CCDC146: variants seen among roughly 807,000 people sequenced by gnomAD.
CCDC146 encodes coiled-coil domain-containing protein 146.
A neutral mutation model predicts 119.3 loss-of-function variants in CCDC146; 92 were observed. That is an observed-to-expected ratio of 0.77 (90% CI 0.65 to 0.92). CCDC146 has a LOEUF of 0.92. Among genes scored for constraint, CCDC146 ranks in the 40% least tolerant of loss-of-function variants. The pLI, the probability that CCDC146 is intolerant of heterozygous loss-of-function variation, is 0.00. For synonymous variants in CCDC146, 372 were observed against 371.8 expected, an observed-to-expected ratio of 1.00 and a Z score of -0.01; for missense variants, 1,000 against 1,103.0, an observed-to-expected ratio of 0.91 and a Z score of 1.32.
At chr7:77,126,429 G>C (rs977855913) in intron 1 of CCDC146, among the ~76,000 whole-genome samples, 4 of 151,996 alleles carry the variant, frequency 2.6e-5, no homozygotes, top group African/African-American at 9.7e-5. Context: ...AAGGGTGAAC[G>C]AGACGAAGAT....
At chr7:77,183,006 A>G (rs965486580) in intron 2 of CCDC146, among the ~76,000 whole-genome samples, 5 of 152,050 alleles carry the variant, frequency 3.3e-5, no homozygotes, top group Non-Finnish European at 5.9e-5. Context: ...ACCCATCTCA[A>G]CACAGCCTAA....
chr7:77,260,358 C>A (rs1365263747), intron 8 of CCDC146, 122 bp downstream of exon 8: 5 of 664,752 alleles, frequency 7.5e-6, no homozygotes, highest in Non-Finnish European at 1.2e-5. Context: ...TTTAAATCAA[C>A]TTTTACCCTT....
intron 2 of CCDC146, among the ~76,000 whole-genome samples, chr7:77,219,882 A>G (rs1792369378): frequency 6.6e-6 from 1 of 152,208 alleles, no homozygotes; most frequent in South Asian, 2.1e-4. Context: ...GTAATAAAAT[A>G]TCAAAGGGCA....
intron 2 of CCDC146, among the ~76,000 whole-genome samples, chr7:77,220,128 C>T (rs1792373631): frequency 6.6e-6 from 1 of 152,182 alleles, no homozygotes; most frequent in African/African-American, 2.4e-5. Flanking sequence ...CCTATTTCAT[C>T]CCGTATCTAC....
chr7:77,154,776 G>A (rs1791157816), intron 1 of CCDC146, among the ~76,000 whole-genome samples: 1 of 152,156 alleles, frequency 6.6e-6, no homozygotes, highest in South Asian at 2.1e-4. Context: ...GCGTGCATGT[G>A]TCTTTATAGC....
chr7:77,162,437 A>T (rs1390250074), intron 1 of CCDC146, among the ~76,000 whole-genome samples: 3 of 152,228 alleles, frequency 2.0e-5, no homozygotes, highest in African/African-American at 7.2e-5. Context: ...GCCAAAAATT[A>T]CTTGACTGTA....
At chr7:77,136,054 T>G (rs1790856107) in intron 1 of CCDC146, among the ~76,000 whole-genome samples, 1 of 152,094 alleles carries the variant, frequency 6.6e-6, no homozygotes, top group African/African-American at 2.4e-5. Context: ...AAACAACATG[T>G]CTCAAAAACA....
intron 2 of CCDC146, among the ~76,000 whole-genome samples, chr7:77,235,100 C>T (rs890078368): frequency 6.6e-6 from 1 of 152,108 alleles, no homozygotes; most frequent in Non-Finnish European, 1.5e-5. Context: ...TTACCTAGCA[C>T]CTGGGTATAC....
intron 2 of CCDC146, chr7:77,194,171 C>A (rs1011571544): frequency 6.6e-6 from 1 of 151,984 alleles, no homozygotes; most frequent in Non-Finnish European, 1.5e-5. Flanking sequence ...TTAATGGACA[C>A]CGTGTATATG....
chr7:77,145,931 G>A (rs1255334999), intron 1 of CCDC146, among the ~76,000 whole-genome samples: 1 of 151,968 alleles, frequency 6.6e-6, no homozygotes, highest in African/African-American at 2.4e-5. Context: ...ATGTCTATTA[G>A]GTCCACTTGG....
chr7:77,212,677 CAAATAAATAAACAAATAAT>C (rs1294627003), intron 2 of CCDC146, among the ~76,000 whole-genome samples: 5 of 149,918 alleles, frequency 3.3e-5, no homozygotes, highest in Non-Finnish European at 7.4e-5. Context: ...TGATATGTCT[CAAATAAATAAACAAATAAT>C]AAATAAATAA....
intron 2 of CCDC146, among the ~76,000 whole-genome samples, chr7:77,216,573 G>A (rs572800279): frequency 6.6e-6 from 1 of 152,072 alleles, no homozygotes; most frequent in African/African-American, 2.4e-5. Context: ...CATCTCACCA[G>A]AAGGAAGAAT....
At chr7:77,238,426 CT>C (rs905756436) in intron 3 of CCDC146, among the ~76,000 whole-genome samples, 17 of 150,944 alleles carry the variant, frequency 1.1e-4, no homozygotes, top group Non-Finnish European at 2.1e-4. Context: ...GATAGCTCTT[CT>C]TTTTTTTTAG....
At chr7:77,152,527 C>T (rs1294581272) in intron 1 of CCDC146, among the ~76,000 whole-genome samples, 23 of 152,226 alleles carry the variant, frequency 1.5e-4, no homozygotes, top group Admixed American at 1.5e-3. Context: ...CTTCCCCTGA[C>T]TTAGAGTTGA....
In CCDC146 at chr7:77,258,994, G is replaced by T. The variant is rs1272862343; in HGVS notation, c.685-1G>T. The stretch of plus-strand genomic sequence containing the variant: ...TTAACATGATTTCGTTTCTTTACTA[G>T]GATGAAGTGGCCCACCATCAAACCA... On this transcript the variant is annotated splice_acceptor_variant, in intron 6 of 18. Transcript: ENST00000285871. LOFTEE classifies it high-confidence loss of function. The T allele has an allele frequency of 6.2e-7, 1 of 1,608,520 alleles. No homozygotes were observed.
intron 8 of CCDC146, among the ~76,000 whole-genome samples, chr7:77,260,820 A>G (rs1409524904): frequency 6.6e-6 from 1 of 151,840 alleles, no homozygotes; most frequent in Non-Finnish European, 1.5e-5. Flanking sequence ...CATTAGAGAC[A>G]GGGTATCACC....
At chr7:77,133,839 A>G (rs1283229606) in intron 1 of CCDC146, among the ~76,000 whole-genome samples, 3 of 147,924 alleles carry the variant, frequency 2.0e-5, no homozygotes, top group African/African-American at 7.4e-5. Context: ...ACACACACAC[A>G]CACACACACA....
chr7:77,243,596 T>A (rs573151991), intron 4 of CCDC146, among the ~76,000 whole-genome samples: 1 of 152,328 alleles, frequency 6.6e-6, no homozygotes, highest in Admixed American at 6.5e-5. Flanking sequence ...CGTAACATTA[T>A]AATGAAGCTG....
intron 4 of CCDC146, chr7:77,246,194 C>T (rs1202836165): frequency 6.6e-6 from 1 of 152,234 alleles, no homozygotes; most frequent in Non-Finnish European, 1.5e-5. Context: ...ATAAACACTT[C>T]CAGTGACAGG....
Sources: gnomAD v4.1 joint callset for allele counts (sites outside exome capture counted in the v4.1 genomes callset) on GRCh38, gnomAD v4.1.1 for gene constraint, MANE v1.5 for transcripts, NCBI Gene and HGNC (gene_info 2026-07-23, HGNC 2026-07-21) for gene names.